The following RBM26 variants were observed in gnomAD, a reference collection of about 807,000 sequenced individuals.
The protein encoded by RBM26 is RNA binding motif protein 26.
Under a neutral mutation model 123.6 loss-of-function variants are expected in RBM26, and 30 were observed. The ratio of observed to expected loss-of-function variants is 0.24; its 90% confidence interval spans 0.18 to 0.33. The LOEUF (loss-of-function observed/expected upper bound fraction) is 0.33. Among genes scored for constraint, RBM26 ranks in the 10% least tolerant of loss-of-function variants. RBM26 has a pLI of 1.00. For missense variants in RBM26, 947 were observed against 1,203.6 expected, an observed-to-expected ratio of 0.79 and a Z score of 3.15; for synonymous variants, 400 against 404.4, an observed-to-expected ratio of 0.99 and a Z score of 0.13.
At chr13:79,354,890 G>A (rs2073781917) in intron 12 of RBM26, among the ~76,000 whole-genome samples, 1 of 152,164 alleles carries the variant, frequency 6.6e-6, no homozygotes, top group Non-Finnish European at 1.5e-5. Flanking sequence ...AGGGAGAAAG[G>A]GGAGAGGGGA....
At chr13:79,351,812 T>C (rs977401511) in intron 14 of RBM26, among the ~76,000 whole-genome samples, 6 of 152,136 alleles carry the variant, frequency 3.9e-5, no homozygotes, top group African/African-American at 1.4e-4. Context: ...GTTTCTATAA[T>C]GAATTAACGC....
chr13:79,349,976 G>A (rs369541131), intron 14 of RBM26, among the ~76,000 whole-genome samples: 13 of 152,158 alleles, frequency 8.5e-5, no homozygotes, highest in South Asian at 4.1e-4. Context: ...GATTACAAGC[G>A]TGAGCCATGC....
chr13:79,328,815 C>A (rs1473388266), intron 20 of RBM26, among the ~76,000 whole-genome samples: 1 of 110,034 alleles, frequency 9.1e-6, no homozygotes, highest in African/African-American at 3.6e-5. Flanking sequence ...AATGGCTCAA[C>A]TACAATCAGA....
intron 20 of RBM26, 46 bp downstream of exon 20, chr13:79,334,298 T>C (rs2069938983): frequency 1.8e-6 from 2 of 1,094,678 alleles, no homozygotes; most frequent in East Asian, 5.3e-5. Flanking sequence ...AAGTAATACT[T>C]ATAAATCATT....
chr13:79,405,944 G>A lies in RBM26; in HGVS notation c.-170C>T. 2.9e-6 allele frequency: 1 copy of A among 340,364 alleles called. No individual in the cohort carries two copies. The highest frequency in any genetic ancestry group is 4.7e-5 in the East Asian group (1 of 21,290). The allele number at this position is 340,364 out of a possible 1,614,324, so 21.1% of individuals were successfully genotyped here. On this transcript the variant is annotated 5_prime_UTR_variant, in exon 1 of 22. Transcript: ENST00000438737. ...GTCGGCGAACAGCTCTGCAAGGACC[G>A]CCGCAGGCCACAAGTGCACGGGGTG...
At chr13:79,352,193 T>C (rs889864711) in intron 14 of RBM26, among the ~76,000 whole-genome samples, 5 of 152,066 alleles carry the variant, frequency 3.3e-5, no homozygotes, top group African/African-American at 1.2e-4. Flanking sequence ...CTGAAGAATA[T>C]AGTGAAGACA....
intron 1 of RBM26, among the ~76,000 whole-genome samples, chr13:79,394,912 G>A (rs955641107): frequency 4.6e-5 from 7 of 152,188 alleles, no homozygotes; most frequent in Non-Finnish European, 8.8e-5. Context: ...GGGATTACAG[G>A]TGTGAGCCAC....
intron 14 of RBM26, among the ~76,000 whole-genome samples, chr13:79,348,447 T>C (rs935356193): frequency 4.6e-5 from 7 of 152,124 alleles, no homozygotes; most frequent in Non-Finnish European, 7.4e-5. Context: ...CTGTTTTTCA[T>C]AGATAAGAAT....
rs2139401793 is a variant in RBM26, at chr13:79,350,969, A to G, written c.2058+2184T>C. Among the ~76,000 whole-genome samples, 2 of 152,306 alleles carry G rather than the reference A, an allele frequency of 1.3e-5. 1 individual carries two copies. Among genetic ancestry groups the G allele is most frequent in the South Asian group, 4.1e-4 (2 of 4,824 alleles). On this transcript the variant is annotated intron_variant, in intron 14 of 21. Transcript: ENST00000438737. ...TTTTCCTTAATAGGCTGTTTACGGT[A>G]TTTATCAAAAATATTTTTCCCCATA... is the stretch of plus-strand genomic sequence containing the variant.
At chr13:79,324,349 G>A (rs1288944556) in intron 20 of RBM26, among the ~76,000 whole-genome samples, 2 of 151,576 alleles carry the variant, frequency 1.3e-5, no homozygotes, top group Admixed American at 6.6e-5. Context: ...TTCTTGAATG[G>A]CCATATATAT....
chr13:79,373,407 A>G (rs1594472513), intron 3 of RBM26, among the ~76,000 whole-genome samples: 1 of 40,006 alleles, frequency 2.5e-5, no homozygotes, highest in Non-Finnish European at 4.1e-5. Context: ...TATATATTAT[A>G]TACTATATAT....
At chr13:79,356,370 AAAAAAAAAAAAAAACAAAC>A (rs1318253068) in intron 11 of RBM26, among the ~76,000 whole-genome samples, 5 of 3,908 alleles carry the variant, frequency 1.3e-3, no homozygotes, top group Non-Finnish European at 3.9e-3. Context: ...ACTCTGTCTC[AAAAAAAAAAAAAAACAAAC>A]AAAAAAAAAC....
At chr13:79,396,334 GTTCT>G (rs2078561766) in intron 1 of RBM26, among the ~76,000 whole-genome samples, 1 of 152,050 alleles carries the variant, frequency 6.6e-6, no homozygotes, top group Non-Finnish European at 1.5e-5. Context: ...AGTTAACATT[GTTCT>G]TTAATAAGCT....
At chr13:79,348,417 G>A (rs979796570) in intron 14 of RBM26, among the ~76,000 whole-genome samples, 9 of 151,908 alleles carry the variant, frequency 5.9e-5, no homozygotes, top group African/African-American at 1.7e-4. Context: ...ATAAGTAATC[G>A]TAAAGAAAGA....
intron 1 of RBM26, among the ~76,000 whole-genome samples, chr13:79,382,275 C>T (rs770037622): frequency 1.3e-5 from 2 of 151,978 alleles, no homozygotes; most frequent in Non-Finnish European, 2.9e-5. Flanking sequence ...CAAGATTGTT[C>T]GAGGTACTTT....
At position 79,405,552 on chromosome 13, in the gene RBM26, C is replaced by T. The variant is rs558711658; in HGVS notation, c.71+152G>A. ...CTCGGGGGTATCCTGAATCTGGAAGCGAGGTGGACGAGGAGGAGAAGCCAC... is the reference window on the plus strand; with the variant it reads ...CTCGGGGGTATCCTGAATCTGGAAGTGAGGTGGACGAGGAGGAGAAGCCAC... On this transcript the variant is annotated intron_variant, in intron 1 of 21. Coordinates refer to ENST00000438737, the MANE Select transcript of RBM26 (RefSeq NM_001366735.2). The T allele has an allele frequency of 9.7e-5, 42 of 434,158 alleles. 2 individuals carry two copies. The South Asian group carries it at 2.2e-3, about 22-fold the overall frequency. 26.9% of individuals were successfully genotyped at this position (434,158 alleles called of 1,614,324 possible). A position where few individuals can be genotyped will look rare whatever the true frequency, so the allele number is the denominator to read the frequency against.
chr13:79,346,222 A>C (rs1290699468), intron 14 of RBM26, among the ~76,000 whole-genome samples: 4 of 152,214 alleles, frequency 2.6e-5, no homozygotes, highest in African/African-American at 9.7e-5. Flanking sequence ...AAATCTGATT[A>C]GGGAACATCA....
chr13:79,365,290 C>A (rs747891420), intron 9 of RBM26, among the ~76,000 whole-genome samples: 2 of 151,996 alleles, frequency 1.3e-5, no homozygotes, highest in South Asian at 4.1e-4. Flanking sequence ...ACTAAAAATA[C>A]AAAAACTAGC....
chr13:79,371,244 T>A, intron 4 of RBM26, 82 bp from the exon 5 acceptor site: 1 of 1,109,828 alleles, frequency 9.0e-7, no homozygotes, highest in Non-Finnish European at 1.3e-6. Context: ...AAGTTACATT[T>A]AATTCTTGTA....
Sources: gnomAD v4.1 joint callset for allele counts (sites outside exome capture counted in the v4.1 genomes callset) on GRCh38, gnomAD v4.1.1 for gene constraint, MANE v1.5 for transcripts, NCBI Gene and HGNC (gene_info 2026-07-23, HGNC 2026-07-21) for gene names.